TMTC2: variants seen among roughly 807,000 people sequenced by gnomAD.
TMTC2 encodes transmembrane O-mannosyltransferase targeting cadherins 2.
A neutral mutation model predicts 82.4 loss-of-function variants in TMTC2; 43 were observed. That is an observed-to-expected ratio of 0.52 (90% CI 0.41 to 0.67). TMTC2 has a LOEUF of 0.67. Ranked by LOEUF, TMTC2 falls within the 30% of genes least tolerant of loss-of-function variation. TMTC2 has a pLI of 0.00. For synonymous variants in TMTC2, 408 were observed against 381.9 expected (o/e 1.07, Z -0.80); for missense variants, 919 against 1,012.4 (o/e 0.91, Z 1.25).
intron 8 of TMTC2, among the ~76,000 whole-genome samples, chr12:82,997,354 A>ATATATATATATATATGTG (rs1879688508): frequency 3.5e-5 from 1 of 28,900 alleles, no homozygotes; most frequent in African/African-American, 1.0e-4. Flanking sequence ...GTGTGTATAT[A>ATATATATATATATATGTG]TATATATATA....
At chr12:83,038,627 G>A (rs943287786) in intron 9 of TMTC2, among the ~76,000 whole-genome samples, 5 of 151,794 alleles carry the variant, frequency 3.3e-5, no homozygotes, top group Admixed American at 1.3e-4. Flanking sequence ...CAAAATTAAG[G>A]TTATGAAAGA....
chr12:83,059,420 G>A (rs867664836), intron 10 of TMTC2, among the ~76,000 whole-genome samples: 2 of 151,682 alleles, frequency 1.3e-5, no homozygotes, highest in East Asian at 1.9e-4. Flanking sequence ...TACAACTGAC[G>A]TATTCTTTTC....
At chr12:82,817,760 A>G (rs1868834023) in intron 1 of TMTC2, among the ~76,000 whole-genome samples, 1 of 152,168 alleles carries the variant, frequency 6.6e-6, no homozygotes, top group Non-Finnish European at 1.5e-5. Flanking sequence ...AATGAAACCA[A>G]GTTGATTAGA....
At chr12:82,873,205 C>A (rs1872295194) in intron 2 of TMTC2, among the ~76,000 whole-genome samples, 1 of 132,806 alleles carries the variant, frequency 7.5e-6, no homozygotes, top group African/African-American at 3.2e-5. Context: ...GGCCCTGTTT[C>A]AAAGATGTTG....
intron 1 of TMTC2, among the ~76,000 whole-genome samples, chr12:82,807,879 T>G (rs1325422113): frequency 6.6e-6 from 1 of 152,004 alleles, no homozygotes. Flanking sequence ...TTAAAAAAAT[T>G]AGATGGATGA....
chr12:82,745,648 A>T (rs1456552519), intron 1 of TMTC2, among the ~76,000 whole-genome samples: 1 of 152,224 alleles, frequency 6.6e-6, no homozygotes, highest in African/African-American at 2.4e-5. Context: ...CAAATAGATA[A>T]TAGTGGAAGA....
At chr12:82,805,732 C>G (rs1420791844) in intron 1 of TMTC2, among the ~76,000 whole-genome samples, 1 of 151,902 alleles carries the variant, frequency 6.6e-6, no homozygotes, top group African/African-American at 2.4e-5. Flanking sequence ...GTCTCGATCT[C>G]CTGACCTTGT....
intron 1 of TMTC2, among the ~76,000 whole-genome samples, chr12:82,856,184 T>C (rs1170367118): frequency 6.6e-6 from 1 of 152,246 alleles, no homozygotes; most frequent in Non-Finnish European, 1.5e-5. Flanking sequence ...AATTAGTAGG[T>C]CCTTCCTTCT....
chr12:82,750,416 GGGCTTAGAGGATCTTGTTGGCAATT>G (rs1277079222), intron 1 of TMTC2, among the ~76,000 whole-genome samples: 5 of 151,786 alleles, frequency 3.3e-5, no homozygotes, highest in Non-Finnish European at 7.4e-5. Flanking sequence ...ATTTCTTTAG[GGGCTTAGAGGATCTTGTTGGCAATT>G]GGCATTCTGC....
chr12:82,749,718 T>C (rs551903654), intron 1 of TMTC2, among the ~76,000 whole-genome samples: 1 of 137,412 alleles, frequency 7.3e-6, no homozygotes, highest in Non-Finnish European at 1.5e-5. Flanking sequence ...AAACTGTTTG[T>C]TTTTCTTTCT....
intron 1 of TMTC2, among the ~76,000 whole-genome samples, chr12:82,774,439 G>A (rs1877478628): frequency 6.6e-6 from 1 of 151,900 alleles, no homozygotes; most frequent in Non-Finnish European, 1.5e-5. Flanking sequence ...TGGCCAACAT[G>A]GTGAAACCCT....
intron 3 of TMTC2, among the ~76,000 whole-genome samples, chr12:82,905,255 A>G (rs1874230967): frequency 6.6e-6 from 1 of 152,192 alleles, no homozygotes; most frequent in South Asian, 2.1e-4. Flanking sequence ...TAAGCAGATC[A>G]GTGAGCACAT....
At chr12:82,748,092 C>T (rs991684548) in intron 1 of TMTC2, among the ~76,000 whole-genome samples, 2 of 152,078 alleles carry the variant, frequency 1.3e-5, no homozygotes, top group South Asian at 2.1e-4. Context: ...GGGTGGATCA[C>T]GCGGTCAGGA....
chr12:83,125,342 A>T (rs1162193958), intron 11 of TMTC2, among the ~76,000 whole-genome samples: 1 of 152,150 alleles, frequency 6.6e-6, no homozygotes, highest in African/African-American at 2.4e-5. Flanking sequence ...ACCAATTTTG[A>T]GGTAGTTGGG....
chr12:82,965,733 G>C lies in TMTC2; in HGVS notation c.1858G>C (p.Gly620Arg), dbSNP rs758057211. ...CCTAGGAAAGCTGTATCATGAGCAG[G>C]GACACTATGAGGTCTGGCCAATGCC... ...YNLGKLYHEQ[G>R]HYEEALSVYK... The change falls in exon 6 of 12, where the codon GGA becomes CGA. Residue 620 changes from glycine to arginine, a missense_variant. By Grantham distance (125) the Gly-to-Arg change is moderately radical. Coordinates refer to ENST00000321196, the MANE Select transcript of TMTC2 (RefSeq NM_152588.3). The C allele has an allele frequency of 6.2e-7, 1 of 1,613,566 alleles. No individual in the cohort carries two copies. Among genetic ancestry groups the C allele is most frequent in the Non-Finnish European group, 8.5e-7 (1 of 1,179,804 alleles).
At chr12:83,097,751 G>T (rs548248636) in intron 11 of TMTC2, among the ~76,000 whole-genome samples, 1 of 152,318 alleles carries the variant, frequency 6.6e-6, no homozygotes, top group African/African-American at 2.4e-5. Flanking sequence ...TCCTCTAAAT[G>T]ACGAGATTTA....
At chr12:83,089,841 AAAAAAC>A (rs1243303857) in intron 11 of TMTC2, among the ~76,000 whole-genome samples, 11 of 135,188 alleles carry the variant, frequency 8.1e-5, no homozygotes, top group Admixed American at 5.0e-4. Flanking sequence ...AACAAAAAAC[AAAAAAC>A]AAAAAAAAAA....
At chr12:82,898,687 G>T (rs1306939741) in intron 3 of TMTC2, among the ~76,000 whole-genome samples, 1 of 152,156 alleles carries the variant, frequency 6.6e-6, no homozygotes, top group Non-Finnish European at 1.5e-5. Context: ...TCAGCTGACA[G>T]GAAGAGAGGG....
chr12:83,009,694 A>T (rs1270024194), intron 8 of TMTC2, among the ~76,000 whole-genome samples: 3 of 152,140 alleles, frequency 2.0e-5, no homozygotes, highest in Non-Finnish European at 4.4e-5. Context: ...CTCTTGAGAC[A>T]CTTTCAACCC....
Sources: gnomAD v4.1 joint callset for allele counts (sites outside exome capture counted in the v4.1 genomes callset) on GRCh38, gnomAD v4.1.1 for gene constraint, MANE v1.5 for transcripts, NCBI Gene and HGNC (gene_info 2026-07-23, HGNC 2026-07-21) for gene names.